The following KLHL41 variants were observed in gnomAD, a reference collection of about 807,000 sequenced individuals.
KLHL41 encodes the protein kelch-like protein 41.
In KLHL41, 31 loss-of-function variants were observed where a neutral mutation model predicts 49.2. The ratio of observed to expected loss-of-function variants is 0.63; its 90% confidence interval spans 0.47 to 0.85. The LOEUF (loss-of-function observed/expected upper bound fraction) is 0.85, where lower values mean the gene tolerates loss of function less well. Ranked by LOEUF, KLHL41 falls within the 40% of genes least tolerant of loss-of-function variation. The pLI is 0.00. For synonymous variants in KLHL41, 218 were observed against 258.5 expected (o/e 0.84, Z 1.50); for missense variants, 663 against 726.7 (o/e 0.91, Z 1.01).
At chr2:169,524,296 A>G (rs891748957) in intron 5 of KLHL41, among the ~76,000 whole-genome samples, 10 of 152,180 alleles carry the variant, frequency 6.6e-5, no homozygotes, top group Non-Finnish European at 2.9e-5. Context: ...TGCATGGTAC[A>G]ATTATTGAGA....
intron 1 of KLHL41, among the ~76,000 whole-genome samples, chr2:169,513,170 G>T (rs1371659365): frequency 6.6e-6 from 1 of 152,130 alleles, no homozygotes. Flanking sequence ...TATGATGGCT[G>T]CTGTTTCCAT....
At position 169,525,896 on chromosome 2, in the gene KLHL41, A is replaced by G; in HGVS notation, c.*200A>G. ...TGATCAGAGTTTAAAACCATTTTCT[A>G]ATAATAAATTAAATCTTCAGTTGAA... is the stretch of plus-strand genomic sequence containing the variant. On this transcript the variant is annotated 3_prime_UTR_variant, in exon 6 of 6. Coordinates refer to ENST00000284669, the MANE Select transcript of KLHL41 (RefSeq NM_006063.3). The G allele has an allele frequency of 2.6e-6, 1 of 378,646 alleles. No homozygotes were observed. Among genetic ancestry groups the G allele is most frequent in the Non-Finnish European group, 4.7e-6 (1 of 213,142 alleles). 23.5% of individuals were successfully genotyped at this position (378,646 alleles called of 1,614,324 possible).
rs757361172 is a variant in KLHL41 at position 169,509,743 on chromosome 2, T to C, written c.-36T>C. Reference sequence around the variant, plus strand: ...CTGTGTGCTGCAAGGAGCTAAGGCCTTCAGTGTCCCCTTCCTTACCCAGGT... The same window carrying C: ...CTGTGTGCTGCAAGGAGCTAAGGCCCTCAGTGTCCCCTTCCTTACCCAGGT... On this transcript the variant is annotated 5_prime_UTR_variant, in exon 1 of 6. Transcript: ENST00000284669. The C allele has an allele frequency of 6.3e-7, 1 of 1,581,446 alleles. No individual in the cohort carries two copies.
Position 169,520,284 on chromosome 2 carries a change from G to A in KLHL41, c.1563-577G>A, listed in dbSNP as rs1487103216. On this transcript the variant is annotated intron_variant, in intron 4 of 5. Coordinates refer to ENST00000284669, the MANE Select transcript of KLHL41 (RefSeq NM_006063.3). The stretch of plus-strand genomic sequence containing the variant: ...GCTATCCTCCTGCCTCAGTGTGTGT[G>A]TGTGTGTGTGTGTGTGTGTGTGTGT... 9.6e-4 allele frequency among the ~76,000 whole-genome samples: 101 copies of A among 105,330 alleles called. 2 individuals carry two copies. Among genetic ancestry groups the A allele is most frequent in the African/African-American group, 2.9e-3 (93 of 32,118 alleles). The allele number at this position is 105,330 out of a possible 152,430, so 69.1% of individuals were successfully genotyped here.
intron 3 of KLHL41, among the ~76,000 whole-genome samples, chr2:169,516,283 T>G (rs868655636): frequency 1.4e-4 from 22 of 152,348 alleles, no homozygotes; most frequent in African/African-American, 5.1e-4. Context: ...TTAATGATTA[T>G]TGGGTATTAG....
chr2:169,514,797 A>G, intron 2 of KLHL41, 57 bp from the exon 3 acceptor site: 1 of 1,596,346 alleles, frequency 6.3e-7, no homozygotes, highest in Admixed American at 1.7e-5. Flanking sequence ...ACATATTCAT[A>G]TTTTCAGAAC....
chr2:169,513,105 A>G (rs976702499), intron 1 of KLHL41, among the ~76,000 whole-genome samples: 3 of 152,168 alleles, frequency 2.0e-5, no homozygotes, highest in Admixed American at 1.3e-4. Context: ...AACAGGTAAT[A>G]TGGGAAGGTA....
chr2:169,520,138 C>T (rs1684175501), intron 4 of KLHL41, among the ~76,000 whole-genome samples: 1 of 147,278 alleles, frequency 6.8e-6, no homozygotes, highest in South Asian at 2.1e-4. Flanking sequence ...AGGGACATAC[C>T]ACCAGGCCTA....
Position 169,510,158 on chromosome 2 carries a change from A to G in KLHL41, c.380A>G (p.Gln127Arg). ...SVFTVCVSYLQKRLAPGNCLA... is the reference protein window; with the variant it reads ...SVFTVCVSYLRKRLAPGNCLA... ...TTTACTGTCTGCGTTTCTTATCTTC[A>G]GAAAAGACTTGCTCCTGGTAACTGT... Residue 127 changes from glutamine to arginine, a missense_variant, in exon 1 of 6, where the codon CAG becomes CGG. Around this residue, in one of 3 missense-constraint regions of KLHL41, gnomAD observed 528 missense variants for 581.0 expected, o/e 0.91. Transcript: ENST00000284669. The surrounding 1 kb of genome is among the most constrained non-coding windows in gnomAD (Gnocchi z 4.2). The G allele has an allele frequency of 1.9e-6, 3 of 1,614,152 alleles. No homozygotes were observed. Among genetic ancestry groups the G allele is most frequent in the Non-Finnish European group, 1.7e-6 (2 of 1,180,032 alleles).
In KLHL41 at chr2:169,510,411, G is replaced by C; in HGVS notation, c.633G>C (p.Arg211Ser). The C allele has an allele frequency of 6.2e-7, 1 of 1,613,988 alleles. No homozygotes were observed. The highest frequency in any genetic ancestry group is 8.5e-7 in the Non-Finnish European group (1 of 1,179,992). ...GGGTGCGAACAGACAAGGAAAACAG[G>C]GTTAAAAACCTTAGTGAAGTGTTTG... is the stretch of plus-strand genomic sequence containing the variant. ...MKWVRTDKEN[R>S]VKNLSEVFDC... Residue 211 changes from arginine to serine, a missense_variant, in exon 1 of 6, where the codon AGG (arginine) becomes AGC (serine). Arg to Ser is a moderately radical substitution (Grantham distance 110). Transcript: ENST00000284669. The surrounding 1 kb of genome is among the most constrained non-coding windows in gnomAD (Gnocchi z 4.2).
chr2:169,516,176 C>T (rs1425917436), intron 3 of KLHL41, among the ~76,000 whole-genome samples: 1 of 152,070 alleles, frequency 6.6e-6, no homozygotes, highest in Non-Finnish European at 1.5e-5. Flanking sequence ...GATGTCCAAC[C>T]CTGAAAAGGG....
Position 169,518,261 on chromosome 2 carries a change from T to C in KLHL41, c.1448T>C (p.Ile483Thr), listed in dbSNP as rs978825115. 13 of 1,613,900 alleles carry C rather than the reference T, an allele frequency of 8.1e-6. No homozygotes were observed. The highest frequency in any genetic ancestry group is 1.6e-4 in the Middle Eastern group (1 of 6,082). ...TGGAAAGATCTGGCTCCAATGAAAATTCCTCGTTCCATGTTTGGAGTAGCA... is the reference window on the plus strand; with the variant it reads ...TGGAAAGATCTGGCTCCAATGAAAACTCCTCGTTCCATGTTTGGAGTAGCA... ...GDWKDLAPMKIPRSMFGVAVH... is the reference protein window; with the variant it reads ...GDWKDLAPMKTPRSMFGVAVH... The change falls in exon 4 of 6, where the codon ATT becomes ACT. Residue 483 changes from isoleucine to threonine, a missense_variant. This residue lies in a region of KLHL41 where 528 missense variants were observed against 581.0 expected (regional missense o/e 0.91). Transcript: ENST00000284669.
intron 5 of KLHL41, among the ~76,000 whole-genome samples, chr2:169,523,198 A>C (rs575237310): frequency 2.8e-4 from 43 of 152,330 alleles, no homozygotes; most frequent in Admixed American, 1.4e-3. Context: ...TCCTGCTATA[A>C]AAGTGGCCCT....
In KLHL41 at chr2:169,509,947, T is replaced by G; in HGVS notation, c.169T>G (p.Tyr57Asp). Residue 57 changes from tyrosine to aspartate, a missense_variant, in exon 1 of 6, where the codon TAC (tyrosine) becomes GAC (aspartate). Tyr to Asp is a radical substitution (Grantham distance 160, BLOSUM62 -3). Transcript: ENST00000284669. ...HRLILSACSP[Y>D]FREYFLSEID... Reference sequence around the variant, plus strand: ...ATTGATTTTGTCAGCTTGTAGTCCTTACTTCCGTGAGTACTTTTTATCTGA... The same window carrying G: ...ATTGATTTTGTCAGCTTGTAGTCCTGACTTCCGTGAGTACTTTTTATCTGA... 1 of 1,614,162 alleles carries G rather than the reference T, an allele frequency of 6.2e-7. No individual in the cohort carries two copies. The highest frequency in any genetic ancestry group is 8.5e-7 in the Non-Finnish European group (1 of 1,180,004).
chr2:169,520,494 C>G lies in KLHL41; in HGVS notation c.1563-367C>G, dbSNP rs951849236. 9.2e-5 allele frequency among the ~76,000 whole-genome samples: 14 copies of G among 151,640 alleles called. No homozygotes were observed. The East Asian group carries it at 1.4e-3, about 15-fold the overall frequency. Reference sequence around the variant, plus strand: ...TTAGATGGAGTCTCGCTCTGTTGCCCAGGCTGGAGTACAGTTGCACAATCT... The same window carrying G: ...TTAGATGGAGTCTCGCTCTGTTGCCGAGGCTGGAGTACAGTTGCACAATCT... On this transcript the variant is annotated intron_variant, in intron 4 of 5. Coordinates refer to ENST00000284669, the MANE Select transcript of KLHL41 (RefSeq NM_006063.3).
rs201785219 is a variant in KLHL41, at chr2:169,509,791, C to A, written c.13C>A (p.Arg5=). ...GGTTTCTCACAGAATGGATTCCCAG[C>A]GGGAACTTGCAGAGGAACTGCGGCT... is the stretch of plus-strand genomic sequence containing the variant. The part of the protein sequence containing the change: MDSQ[R]ELAEELRLYQ... The change falls in exon 1 of 6, where the codon CGG becomes AGG. Residue 5 remains arginine (R), a synonymous_variant. Coordinates refer to ENST00000284669, the MANE Select transcript of KLHL41 (RefSeq NM_006063.3). 1 of 1,609,918 alleles carries A rather than the reference C, an allele frequency of 6.2e-7. No homozygotes were observed. Among genetic ancestry groups the A allele is most frequent in the South Asian group, 1.1e-5 (1 of 90,754 alleles).
rs760904619 is a variant in KLHL41 at position 169,518,248 on chromosome 2, G to A, written c.1435G>A (p.Ala479Thr). 14 of 1,613,984 alleles carry A rather than the reference G, an allele frequency of 8.7e-6. No homozygotes were observed. Among genetic ancestry groups the A allele is most frequent in the South Asian group, 1.1e-5 (1 of 91,048 alleles). ...CAAAAAAGGAGATTGGAAAGATCTG[G>A]CTCCAATGAAAATTCCTCGTTCCAT... Reference protein sequence around the residue: ...NPKKGDWKDLAPMKIPRSMFG... With the variant: ...NPKKGDWKDLTPMKIPRSMFG... The change falls in exon 4 of 6, where the codon GCT becomes ACT. Residue 479 changes from alanine (A) to threonine (T), a missense_variant. Physicochemically the swap from Ala to Thr is moderately conservative, Grantham distance 58 (BLOSUM62 0). Around this residue, in one of 3 missense-constraint regions of KLHL41, gnomAD observed 528 missense variants for 581.0 expected, o/e 0.91. Transcript: ENST00000284669.
intron 5 of KLHL41, among the ~76,000 whole-genome samples, chr2:169,521,688 A>G (rs1189844075): frequency 1.3e-5 from 2 of 152,244 alleles, no homozygotes; most frequent in African/African-American, 4.8e-5. Context: ...CCACGTACCC[A>G]GCCTAAAGAA....
rs201449807 is a variant in KLHL41, at chr2:169,515,183, T to G, written c.1376+222T>G. On this transcript the variant is annotated intron_variant, in intron 3 of 5. Coordinates refer to ENST00000284669, the MANE Select transcript of KLHL41 (RefSeq NM_006063.3). The stretch of plus-strand genomic sequence containing the variant: ...TGAGTAGCTGGGATTACAGGCATGC[T>G]CCACCACGCCTGGCTAATTTTGTAT... Among the ~76,000 whole-genome samples, 5,733 of 151,864 alleles carry G rather than the reference T, an allele frequency of 0.038. 140 individuals are homozygous for G. The highest frequency in any genetic ancestry group is 0.11 in the East Asian group (545 of 5,158).
Sources: gnomAD v4.1 joint callset for allele counts (sites outside exome capture counted in the v4.1 genomes callset) on GRCh38, gnomAD v4.1.1 for gene constraint, gnomAD v4.1.1 regional missense constraint, Gnocchi (gnomAD v3.1) non-coding constraint, MANE v1.5 for transcripts, NCBI Gene and HGNC (gene_info 2026-07-23, HGNC 2026-07-21) for gene names.